The following CTIF variants were observed in gnomAD, a reference collection of about 807,000 sequenced individuals.
The protein encoded by CTIF is cap binding complex dependent translation initiation factor, also known as CBP80/20-dependent translation initiation factor.
A neutral mutation model predicts 66.0 loss-of-function variants in CTIF; 21 were observed. That is an observed-to-expected ratio of 0.32 (90% CI 0.23 to 0.46). CTIF has a LOEUF of 0.46. Ranked by LOEUF, CTIF falls within the 20% of genes least tolerant of loss-of-function variation. CTIF has a pLI of 1.00. For synonymous variants in CTIF, 345 were observed against 326.4 expected (o/e 1.06, Z -0.62); for missense variants, 739 against 812.7 (o/e 0.91, Z 1.10).
intron 1 of CTIF, chr18:48,567,900 G>A (rs2089314846): frequency 6.6e-6 from 1 of 152,270 alleles, no homozygotes; most frequent in Non-Finnish European, 1.5e-5. Context: ...TCAGCGAGGT[G>A]GAGCGAGCTG....
At chr18:48,700,685 C>G (rs989462604) in intron 6 of CTIF, among the ~76,000 whole-genome samples, 2 of 152,232 alleles carry the variant, frequency 1.3e-5, no homozygotes, top group Non-Finnish European at 2.9e-5. Context: ...TCACTCTAAC[C>G]TCAGAGCCTC....
intron 9 of CTIF, among the ~76,000 whole-genome samples, chr18:48,787,916 T>C (rs1911858397): frequency 6.6e-6 from 1 of 152,210 alleles, no homozygotes; most frequent in Admixed American, 6.5e-5. Flanking sequence ...TGCCAAGGGT[T>C]GGAGGTCTGG....
intron 3 of CTIF, among the ~76,000 whole-genome samples, chr18:48,653,414 A>AAC (rs2091192867): frequency 6.6e-6 from 1 of 152,236 alleles, no homozygotes; most frequent in Non-Finnish European, 1.5e-5. Context: ...AATCCAACTT[A>AAC]TAAGGAATGT....
chr18:48,797,498 G>C (rs540904952), intron 9 of CTIF, among the ~76,000 whole-genome samples: 2 of 147,448 alleles, frequency 1.4e-5, no homozygotes, highest in Non-Finnish European at 1.5e-5. Context: ...GAAAAGGGGT[G>C]GGGGGGCAAG....
At chr18:48,757,812 T>A in intron 7 of CTIF, 107 bp from the exon 8 acceptor site, 1 of 1,411,900 alleles carries the variant, frequency 7.1e-7, no homozygotes, top group Non-Finnish European at 9.5e-7. Context: ...GTTGGAAGAA[T>A]GAATATATGG....
intron 7 of CTIF, among the ~76,000 whole-genome samples, chr18:48,724,207 C>A (rs1461887195): frequency 6.6e-6 from 1 of 152,166 alleles, no homozygotes; most frequent in Non-Finnish European, 1.5e-5. Context: ...GGATTTAGGT[C>A]CCCCTTGTAG....
intron 10 of CTIF, among the ~76,000 whole-genome samples, chr18:48,851,499 T>C (rs1407159367): frequency 6.6e-6 from 1 of 152,086 alleles, no homozygotes; most frequent in South Asian, 2.1e-4. Flanking sequence ...TGCAGCCACA[T>C]TGAGAGCCTC....
chr18:48,563,265 A>C (rs2089204400), intron 1 of CTIF, among the ~76,000 whole-genome samples: 1 of 152,178 alleles, frequency 6.6e-6, no homozygotes, highest in South Asian at 2.1e-4. Flanking sequence ...GGAGCAGGAA[A>C]GGCTGGGGTG....
chr18:48,690,426 C>T (rs766453338), intron 6 of CTIF, among the ~76,000 whole-genome samples: 36 of 152,148 alleles, frequency 2.4e-4, no homozygotes, highest in Admixed American at 9.2e-4. Context: ...CCTTCCATCA[C>T]GTGGAAGACA....
At chr18:48,689,158 C>T (rs1025108898) in intron 6 of CTIF, among the ~76,000 whole-genome samples, 6 of 152,246 alleles carry the variant, frequency 3.9e-5, no homozygotes, top group African/African-American at 1.4e-4. Context: ...CAGTTGTACC[C>T]TGTCCTCATT....
chr18:48,785,147 T>C (rs1445748741), intron 9 of CTIF, among the ~76,000 whole-genome samples: 1 of 152,198 alleles, frequency 6.6e-6, no homozygotes, highest in Non-Finnish European at 1.5e-5. Context: ...CCTTCCTTCT[T>C]TCTTTCCTTC....
chr18:48,539,971 TGA>T (rs2088566882), intron 1 of CTIF: 1 of 151,412 alleles, frequency 6.6e-6, no homozygotes, highest in South Asian at 2.1e-4. Context: ...CGGGCGTGTG[TGA>T]GTGTGCGCGC....
At chr18:48,610,059 G>A (rs1317633690) in intron 1 of CTIF, among the ~76,000 whole-genome samples, 3 of 152,198 alleles carry the variant, frequency 2.0e-5, no homozygotes, top group Admixed American at 6.5e-5. Context: ...GGGCGTGGGC[G>A]GGCTGGGGGA....
intron 10 of CTIF, among the ~76,000 whole-genome samples, chr18:48,817,983 A>C (rs1029275281): frequency 3.3e-5 from 5 of 152,234 alleles, no homozygotes; most frequent in African/African-American, 1.2e-4. Context: ...GTGTTGTCTC[A>C]ATGAGCGATC....
chr18:48,821,972 G>C (rs1233269153), intron 10 of CTIF, among the ~76,000 whole-genome samples: 2 of 152,084 alleles, frequency 1.3e-5, no homozygotes, highest in Non-Finnish European at 2.9e-5. Flanking sequence ...CCATTGATTA[G>C]CGACTCCCCA....
intron 10 of CTIF, among the ~76,000 whole-genome samples, chr18:48,850,804 A>G (rs1599164586): frequency 6.6e-6 from 1 of 152,312 alleles, no homozygotes; most frequent in East Asian, 1.9e-4. Flanking sequence ...CTGAGGGAGC[A>G]TCCTCCACCA....
chr18:48,618,008 C>T (rs139524054), intron 1 of CTIF, among the ~76,000 whole-genome samples: 35 of 152,308 alleles, frequency 2.3e-4, no homozygotes, highest in African/African-American at 6.5e-4. Context: ...CACAGCAGGG[C>T]GGTTCTCCTT....
intron 7 of CTIF, among the ~76,000 whole-genome samples, chr18:48,754,696 C>CT (rs1304373662): frequency 1.3e-5 from 2 of 152,266 alleles, no homozygotes; most frequent in Non-Finnish European, 2.9e-5. Flanking sequence ...CTACGGATGG[C>CT]TTTCCACATG....
intron 9 of CTIF, among the ~76,000 whole-genome samples, chr18:48,806,484 G>C (rs561433598): frequency 1.3e-5 from 2 of 152,330 alleles, no homozygotes; most frequent in Admixed American, 1.3e-4. Flanking sequence ...CATAGCGTTT[G>C]GATGGGCAAA....
Sources: allele counts gnomAD v4.1 joint callset (sites outside exome capture counted in the v4.1 genomes callset), GRCh38; gene constraint gnomAD v4.1.1; transcripts MANE v1.5; gene names NCBI Gene and HGNC (gene_info 2026-07-23, HGNC 2026-07-21).